DLG2: variants seen among roughly 807,000 people sequenced by gnomAD.
DLG2 encodes disks large homolog 2.
Under a neutral mutation model 132.5 loss-of-function variants are expected in DLG2, and 45 were observed. The observed-to-expected ratio is 0.34, with a 90% CI of 0.27 to 0.44. The LOEUF is 0.44. Ranked by LOEUF, DLG2 falls within the 20% of genes least tolerant of loss-of-function variation. The probability of loss-of-function intolerance (pLI) is 1.00; values close to 1 mark genes in which losing one functional copy is unlikely to be tolerated. For missense variants in DLG2, 1,045 were observed against 1,196.9 expected (o/e 0.87, Z 1.87); for synonymous variants, 424 against 419.6 (o/e 1.01, Z -0.13).
intron 6 of DLG2, among the ~76,000 whole-genome samples, chr11:84,538,474 C>T (rs148179379): frequency 6.6e-6 from 1 of 152,184 alleles, no homozygotes; most frequent in Admixed American, 6.5e-5. Flanking sequence ...TCTCATACCT[C>T]ACGGTGAGAC....
chr11:84,544,370 A>C (rs1295537498), intron 6 of DLG2, among the ~76,000 whole-genome samples: 1 of 152,222 alleles, frequency 6.6e-6, no homozygotes, highest in African/African-American at 2.4e-5. Context: ...GCTCTTTATA[A>C]TTTACAAAGC....
chr11:84,023,824 T>C (rs189132116), intron 11 of DLG2, among the ~76,000 whole-genome samples: 129 of 152,262 alleles, frequency 8.5e-4, no homozygotes, highest in Admixed American at 1.7e-3. Context: ...TTCATCCTTC[T>C]CCTTACCTAC....
At chr11:83,688,625 G>A (rs688414) in intron 18 of DLG2, among the ~76,000 whole-genome samples, 40,925 of 152,002 alleles carry the variant, frequency 0.27, 5,962 homozygotes, top group South Asian at 0.32. Flanking sequence ...GTGTTCATGA[G>A]TATGTGTGCA....
At chr11:84,596,985 C>A (rs527835202) in intron 6 of DLG2, among the ~76,000 whole-genome samples, 1 of 152,242 alleles carries the variant, frequency 6.6e-6, no homozygotes, top group East Asian at 1.9e-4. Flanking sequence ...ATTTGGGAAG[C>A]TAAGGCGGGC....
intron 10 of DLG2, among the ~76,000 whole-genome samples, chr11:84,094,862 G>A (rs2097144772): frequency 1.3e-5 from 2 of 152,050 alleles, no homozygotes; most frequent in Admixed American, 1.3e-4. Flanking sequence ...AGAAATTTAA[G>A]TGTCTCTAAC....
intron 6 of DLG2, among the ~76,000 whole-genome samples, chr11:84,927,497 G>T (rs2047538474): frequency 6.6e-6 from 1 of 151,958 alleles, no homozygotes; most frequent in Admixed American, 6.6e-5. Flanking sequence ...GAGAATTACT[G>T]CCTTAGAGCA....
chr11:83,652,473 C>T (rs765014380), intron 18 of DLG2, among the ~76,000 whole-genome samples: 14 of 152,094 alleles, frequency 9.2e-5, no homozygotes, highest in African/African-American at 3.4e-4. Context: ...TGGGTTCAAG[C>T]GTTTCTCCCA....
intron 18 of DLG2, among the ~76,000 whole-genome samples, chr11:83,660,852 G>C (rs1329978124): frequency 6.6e-6 from 1 of 151,866 alleles, no homozygotes; most frequent in Non-Finnish European, 1.5e-5. Context: ...CCCTCCTTCT[G>C]TCCCTCATCT....
chr11:84,766,291 A>T (rs576116795), intron 6 of DLG2, among the ~76,000 whole-genome samples: 10 of 152,124 alleles, frequency 6.6e-5, no homozygotes, highest in African/African-American at 2.4e-4. Flanking sequence ...GTGCATTTCT[A>T]TGTGGAGTAG....
intron 18 of DLG2, among the ~76,000 whole-genome samples, chr11:83,640,293 T>C (rs1255208613): frequency 6.6e-6 from 1 of 152,148 alleles, no homozygotes; most frequent in African/African-American, 2.4e-5. Flanking sequence ...TAAAGGAAAT[T>C]TGTGCTTTAG....
intron 16 of DLG2, among the ~76,000 whole-genome samples, chr11:83,849,125 AT>A (rs1254222293): frequency 6.6e-6 from 1 of 152,068 alleles, no homozygotes; most frequent in Non-Finnish European, 1.5e-5. Flanking sequence ...TAAAACTGAG[AT>A]TTGCCATTTA....
intron 6 of DLG2, among the ~76,000 whole-genome samples, chr11:84,760,707 T>C (rs1300087821): frequency 6.6e-6 from 1 of 152,196 alleles, no homozygotes; most frequent in East Asian, 1.9e-4. Context: ...CTTGTTTTTC[T>C]CTGCAGTCCT....
intron 7 of DLG2, among the ~76,000 whole-genome samples, chr11:84,426,491 G>T (rs994733433): frequency 2.0e-5 from 3 of 152,120 alleles, no homozygotes; most frequent in Non-Finnish European, 4.4e-5. Context: ...TGCCTCATCT[G>T]TAAAAATGTG....
chr11:85,154,421 G>T, intron 5 of DLG2, 135 bp downstream of exon 5: 1 of 513,392 alleles, frequency 1.9e-6, no homozygotes, highest in East Asian at 3.3e-5. Flanking sequence ...AACCCAATAT[G>T]CTGACCAGGC....
At chr11:83,975,320 A>G (rs1368882829) in intron 12 of DLG2, among the ~76,000 whole-genome samples, 1 of 152,072 alleles carries the variant, frequency 6.6e-6, no homozygotes, top group African/African-American at 2.4e-5. Context: ...GGTACAATCC[A>G]CAAAATCCAA....
chr11:85,521,186 G>A (rs2074283343), intron 3 of DLG2, among the ~76,000 whole-genome samples: 1 of 152,194 alleles, frequency 6.6e-6, no homozygotes, highest in Non-Finnish European at 1.5e-5. Flanking sequence ...TGTGTTGGGT[G>A]AGGGACCTTG....
intron 10 of DLG2, among the ~76,000 whole-genome samples, chr11:84,059,714 C>T (rs1594332934): frequency 6.6e-6 from 1 of 152,120 alleles, no homozygotes; most frequent in Non-Finnish European, 1.5e-5. Flanking sequence ...GGTCAGTTCC[C>T]ATCCTAAACT....
At chr11:84,133,365 A>C (rs1433692585) in intron 9 of DLG2, among the ~76,000 whole-genome samples, 3 of 152,014 alleles carry the variant, frequency 2.0e-5, no homozygotes, top group Admixed American at 6.6e-5. Flanking sequence ...ACTTCTTAGG[A>C]TAGTGACAAA....
At chr11:83,817,351 C>A (rs139351011) in intron 17 of DLG2, among the ~76,000 whole-genome samples, 47 of 152,044 alleles carry the variant, frequency 3.1e-4, no homozygotes, top group African/African-American at 1.1e-3. Context: ...AAGAGTTATT[C>A]AGAAGAAGGT....
Sources: gnomAD v4.1 joint callset for allele counts (sites outside exome capture counted in the v4.1 genomes callset) on GRCh38, gnomAD v4.1.1 for gene constraint, MANE v1.5 for transcripts, NCBI Gene and HGNC (gene_info 2026-07-23, HGNC 2026-07-21) for gene names.